Variants in FTO observed in about 807,000 individuals in gnomAD.
FTO encodes the protein FTO alpha-ketoglutarate dependent dioxygenase.
In FTO, 47 loss-of-function variants were observed where a neutral mutation model predicts 63.9. That is an observed-to-expected ratio of 0.74 (90% confidence interval 0.58 to 0.94). The LOEUF is 0.94. FTO is among the 40% of genes least tolerant of loss of function. The pLI, the probability that FTO is intolerant of heterozygous loss-of-function variation, is 0.00. For missense variants in FTO, 562 were observed against 618.1 expected (o/e 0.91, Z 0.96); for synonymous variants, 207 against 224.4 (o/e 0.92, Z 0.69).
chr16:53,787,479 A>G (rs909514148), intron 1 of FTO, among the ~76,000 whole-genome samples: 4 of 151,988 alleles, frequency 2.6e-5, no homozygotes, highest in Admixed American at 1.3e-4. Context: ...TTTAAGCATT[A>G]AGTATGGATA....
At chr16:53,939,532 T>C (rs916717826) in intron 8 of FTO, among the ~76,000 whole-genome samples, 21 of 152,192 alleles carry the variant, frequency 1.4e-4, no homozygotes, top group African/African-American at 4.8e-4. Flanking sequence ...ATGCACGAGA[T>C]TGTGCAACTG....
At chr16:53,921,534 G>A (rs28700087) in intron 7 of FTO, among the ~76,000 whole-genome samples, 1,943 of 152,268 alleles carry the variant, frequency 0.013, 38 homozygotes, top group African/African-American at 0.044. Context: ...GTAGCGTCTG[G>A]GAATTAGGGG....
chr16:54,007,027 G>A (rs1036811948), intron 8 of FTO, among the ~76,000 whole-genome samples: 3 of 152,272 alleles, frequency 2.0e-5, no homozygotes, highest in Admixed American at 6.5e-5. Context: ...TACACAGATC[G>A]TCCTGATCAA....
At chr16:53,845,374 C>T (rs1243880304) in intron 4 of FTO, among the ~76,000 whole-genome samples, 2 of 152,090 alleles carry the variant, frequency 1.3e-5, no homozygotes, top group Admixed American at 1.3e-4. Context: ...GTGTAAGGTT[C>T]CAGGGGAGAT....
chr16:53,898,055 C>T (rs1474802586), intron 7 of FTO, among the ~76,000 whole-genome samples: 7 of 152,182 alleles, frequency 4.6e-5, no homozygotes, highest in Admixed American at 4.6e-4. Flanking sequence ...TACCCTATGT[C>T]CATCCCAGTC....
chr16:53,950,226 A>T (rs1293926679), intron 8 of FTO, among the ~76,000 whole-genome samples: 1 of 148,278 alleles, frequency 6.7e-6, no homozygotes, highest in African/African-American at 2.4e-5. Context: ...TATTTTAATT[A>T]TGAGGTAAAA....
intron 1 of FTO, among the ~76,000 whole-genome samples, chr16:53,759,529 A>G (rs988369770): frequency 1.3e-5 from 2 of 151,990 alleles, no homozygotes; most frequent in African/African-American, 4.8e-5. Context: ...CCCCATCTCT[A>G]TTAAAAGTAC....
chr16:53,840,356 A>G (rs1461424721), intron 3 of FTO, among the ~76,000 whole-genome samples: 1 of 152,188 alleles, frequency 6.6e-6, no homozygotes, highest in African/African-American at 2.4e-5. Context: ...AGCATTAATT[A>G]TTATACTGTA....
chr16:53,882,088 A>C (rs1429905569), intron 6 of FTO, among the ~76,000 whole-genome samples: 1 of 146,600 alleles, frequency 6.8e-6, no homozygotes, highest in Non-Finnish European at 1.6e-5. Flanking sequence ...CATTAAAAGA[A>C]AAAAAGGAGA....
chr16:54,115,258 C>T lies in FTO; in HGVS notation c.*3343C>T, dbSNP rs2086966963. On this transcript the variant is annotated 3_prime_UTR_variant, in exon 9 of 9. Transcript: ENST00000471389. ...TTTGCAATGAGGTGCTACTGACTGC[C>T]CTACCTCCCTCCCTTCCTCCCATGA... is the stretch of plus-strand genomic sequence containing the variant. The T allele has an allele frequency of 2.0e-5, 3 of 152,300 alleles. No individual in the cohort carries two copies. The highest frequency in any genetic ancestry group is 3.9e-4 in the East Asian group (2 of 5,144). The allele number at this position is 152,300 out of a possible 1,614,324, so 9.4% of individuals were successfully genotyped here. A position where few individuals can be genotyped will look rare whatever the true frequency, so the allele number is the denominator to read the frequency against.
intron 8 of FTO, among the ~76,000 whole-genome samples, chr16:54,035,902 A>G (rs2084932056): frequency 6.6e-6 from 1 of 151,830 alleles, no homozygotes; most frequent in Non-Finnish European, 1.5e-5. Context: ...TCCTTTTCTA[A>G]TTTCTTTGGT....
chr16:53,861,225 A>G (rs2080166684), intron 4 of FTO, among the ~76,000 whole-genome samples: 1 of 152,182 alleles, frequency 6.6e-6, no homozygotes, highest in South Asian at 2.1e-4. Flanking sequence ...TACACAGTAC[A>G]TACTCTGTTG....
rs1426760130 is a variant in FTO, at chr16:54,117,997, G to A, written c.*6082G>A. ...GGTAAAATAGTTCCTCTGCACATGT[G>A]TGTCAAGCTAAATGGATAACAGCAG... On this transcript the variant is annotated 3_prime_UTR_variant, in exon 9 of 9. Coordinates refer to ENST00000471389, the MANE Select transcript of FTO (RefSeq NM_001080432.3). The A allele has an allele frequency of 4.6e-5, 7 of 152,218 alleles. No individual in the cohort carries two copies. Among genetic ancestry groups the A allele is most frequent in the Non-Finnish European group, 8.8e-5 (6 of 68,040 alleles). The allele number at this position is 152,218 out of a possible 1,614,324, so 9.4% of individuals were successfully genotyped here.
At chr16:53,998,572 A>T (rs899018961) in intron 8 of FTO, 5 of 152,246 alleles carry the variant, frequency 3.3e-5, no homozygotes, top group Non-Finnish European at 7.3e-5. Context: ...ATTGAAAAGT[A>T]CATGGTTAAC....
intron 1 of FTO, among the ~76,000 whole-genome samples, chr16:53,806,214 G>A (rs1442309664): frequency 5.9e-5 from 9 of 152,110 alleles, no homozygotes; most frequent in Non-Finnish European, 2.9e-5. Flanking sequence ...ACAAAAGAAG[G>A]CACTTTCTAA....
At chr16:53,914,084 A>G (rs2081794128) in intron 7 of FTO, among the ~76,000 whole-genome samples, 1 of 151,700 alleles carries the variant, frequency 6.6e-6, no homozygotes, top group Admixed American at 6.6e-5. Context: ...TCTCACGATC[A>G]CTTCCCAGGG....
At chr16:53,838,822 G>C (rs1288506301) in intron 3 of FTO, among the ~76,000 whole-genome samples, 2 of 152,058 alleles carry the variant, frequency 1.3e-5, no homozygotes, top group Non-Finnish European at 2.9e-5. Context: ...CTGGGCAACA[G>C]AGCGAGACTC....
At chr16:53,974,445 CCATGAGTAAATGACTTGCCTG>C (rs1274715021) in intron 8 of FTO, among the ~76,000 whole-genome samples, 2 of 152,130 alleles carry the variant, frequency 1.3e-5, no homozygotes, top group African/African-American at 4.8e-5. Context: ...TCAAGATTCA[CCATGAGTAAATGACTTGCCTG>C]CAAATGATCA....
At chr16:53,855,026 TTTA>T (rs2079941772) in intron 4 of FTO, among the ~76,000 whole-genome samples, 2 of 133,048 alleles carry the variant, frequency 1.5e-5, no homozygotes, top group Non-Finnish European at 3.1e-5. Flanking sequence ...TTCTAGGTAC[TTTA>T]TTATTATTAT....
Sources: allele counts gnomAD v4.1 joint callset (sites outside exome capture counted in the v4.1 genomes callset), GRCh38; gene constraint gnomAD v4.1.1; transcripts MANE v1.5; gene names NCBI Gene and HGNC (gene_info 2026-07-23, HGNC 2026-07-21).